Variants in KCNT2 observed in about 807,000 individuals in gnomAD.
The protein encoded by KCNT2 is potassium channel subfamily T member 2.
Under a neutral mutation model 153.8 loss-of-function variants are expected in KCNT2, and 67 were observed. The observed-to-expected ratio is 0.44, with a 90% CI of 0.36 to 0.53. The LOEUF is 0.53. Ranked by LOEUF, KCNT2 falls within the 20% of genes least tolerant of loss-of-function variation. KCNT2 has a pLI of 0.00. For missense variants in KCNT2, 975 were observed against 1,354.8 expected (o/e 0.72, Z 4.40); for synonymous variants, 500 against 458.8 (o/e 1.09, Z -1.15).
At chr1:196,490,558 C>A (rs2148728885) in intron 2 of KCNT2, among the ~76,000 whole-genome samples, 1 of 149,680 alleles carries the variant, frequency 6.7e-6, no homozygotes, top group Non-Finnish European at 1.5e-5. Context: ...CGATCAATCT[C>A]TCCATTTCTC....
chr1:196,509,537 C>T lies in KCNT2; in HGVS notation c.96-17196G>A, dbSNP rs189039636. On this transcript the variant is annotated intron_variant, in intron 1 of 27. Transcript: ENST00000294725. The stretch of plus-strand genomic sequence containing the variant: ...AAAAACTTTAAAAATTAAACAATAA[C>T]TTATTTACAGATGCATACATATCTG... Among the ~76,000 whole-genome samples the T allele has an allele frequency of 1.4e-3, 220 of 152,202 alleles. 2 individuals carry two copies. Among genetic ancestry groups the T allele is most frequent in the African/African-American group, 5.1e-3 (212 of 41,536 alleles).
chr1:196,530,204 T>C lies in KCNT2; in HGVS notation c.96-37863A>G, dbSNP rs566483565. ...CATTAAAATGTAGCAATATAGAAAA[T>C]GTACAAATCCCATTAAAAGGCAAAC... On this transcript the variant is annotated intron_variant, in intron 1 of 27. Coordinates refer to ENST00000294725, the MANE Select transcript of KCNT2 (RefSeq NM_198503.5). 1.9e-3 allele frequency among the ~76,000 whole-genome samples: 285 copies of C among 151,896 alleles called. 2 individuals carry two copies. Among genetic ancestry groups the C allele is most frequent in the African/African-American group, 6.5e-3 (271 of 41,494 alleles).
At chr1:196,251,941 T>C (rs1490088248) in intron 26 of KCNT2, among the ~76,000 whole-genome samples, 1 of 151,834 alleles carries the variant, frequency 6.6e-6, no homozygotes, top group African/African-American at 2.4e-5. Flanking sequence ...TAACCAATTT[T>C]GTTTTTAAGT....
intron 27 of KCNT2, among the ~76,000 whole-genome samples, chr1:196,229,433 C>A (rs1184943656): frequency 2.0e-5 from 3 of 152,000 alleles, no homozygotes; most frequent in African/African-American, 7.2e-5. Context: ...GCTATTCCCT[C>A]GACTCTTTTC....
chr1:196,342,177 G>C lies in KCNT2; in HGVS notation c.1455C>G (p.Ser485=). 6.2e-7 allele frequency: 1 copy of C among 1,611,326 alleles called. No homozygotes were observed. ...EQWQKMYGRC[S]GNEVYHIVLE... is the part of the protein sequence containing the mutation. Reference sequence around the variant, plus strand: ...AAACAATGTGGTAGACTTCATTCCCGGAGCATCTACCGTACATCTTCTGCC... The same window carrying C: ...AAACAATGTGGTAGACTTCATTCCCCGAGCATCTACCGTACATCTTCTGCC... The change falls in exon 15 of 28, where the codon TCC becomes TCG. Residue 485 remains serine, a synonymous_variant. Transcript: ENST00000294725.
intron 26 of KCNT2, among the ~76,000 whole-genome samples, chr1:196,239,403 C>T (rs1373072910): frequency 5.9e-5 from 9 of 151,696 alleles, no homozygotes; most frequent in Non-Finnish European, 2.9e-5. Context: ...AAGATTGCTA[C>T]TAGCATTTAC....
In KCNT2 at chr1:196,470,962, C is replaced by T. The variant is rs546078028; in HGVS notation, c.385-1894G>A. Reference sequence around the variant, plus strand: ...TGGCACAATCTCGGCTCACTGCAAGCTCCGCCTCCCTGGGTTCATGCCATT... The same window carrying T: ...TGGCACAATCTCGGCTCACTGCAAGTTCCGCCTCCCTGGGTTCATGCCATT... On this transcript the variant is annotated intron_variant, in intron 5 of 27. Transcript: ENST00000294725. Among the ~76,000 whole-genome samples, 11 of 151,002 alleles carry T rather than the reference C, an allele frequency of 7.3e-5. No individual in the cohort carries two copies. The South Asian group carries it at 2.3e-3, about 32-fold the overall frequency.
At chr1:196,552,862 G>C (rs1658111081) in intron 1 of KCNT2, among the ~76,000 whole-genome samples, 1 of 150,898 alleles carries the variant, frequency 6.6e-6, no homozygotes, top group Non-Finnish European at 1.5e-5. Flanking sequence ...TAAAATATTG[G>C]GTTTAAGATA....
intron 9 of KCNT2, among the ~76,000 whole-genome samples, chr1:196,428,952 C>A (rs1439450741): frequency 2.6e-5 from 4 of 151,784 alleles, no homozygotes; most frequent in African/African-American, 7.3e-5. Flanking sequence ...CATCCCTTTG[C>A]AACCTCCCTA....
At chr1:196,335,267 A>T (rs1431471344) in intron 16 of KCNT2, among the ~76,000 whole-genome samples, 2 of 152,140 alleles carry the variant, frequency 1.3e-5, no homozygotes, top group Non-Finnish European at 2.9e-5. Flanking sequence ...GTTCTGAGAA[A>T]TCTACCATTT....
chr1:196,411,114 CT>C (rs1672287681), intron 12 of KCNT2, among the ~76,000 whole-genome samples: 2 of 126,840 alleles, frequency 1.6e-5, no homozygotes, highest in African/African-American at 5.9e-5. Flanking sequence ...TCCTTCCTTC[CT>C]TCCTTCCTCC....
At chr1:196,256,382 A>G (rs1331437573) in intron 26 of KCNT2, among the ~76,000 whole-genome samples, 2 of 152,040 alleles carry the variant, frequency 1.3e-5, no homozygotes, top group Non-Finnish European at 2.9e-5. Flanking sequence ...GGTCCATGAC[A>G]GCATTTTCCA....
At chr1:196,596,842 C>T (rs1032219478) in intron 1 of KCNT2, among the ~76,000 whole-genome samples, 13 of 152,066 alleles carry the variant, frequency 8.5e-5, no homozygotes, top group Admixed American at 5.9e-4. Flanking sequence ...GCTAGGATTA[C>T]AGCACACACC....
intron 1 of KCNT2, among the ~76,000 whole-genome samples, chr1:196,583,059 TGTTA>T (rs1358459654): frequency 2.6e-5 from 4 of 152,064 alleles, no homozygotes; most frequent in Admixed American, 1.3e-4. Context: ...CTTCAGAGGT[TGTTA>T]TTCATTCCAG....
At chr1:196,268,850 T>C (rs74851431) in intron 25 of KCNT2, among the ~76,000 whole-genome samples, 7,535 of 152,172 alleles carry the variant, frequency 0.05, 285 homozygotes, top group Non-Finnish European at 0.071. Flanking sequence ...GGGGCATATG[T>C]GGCATCCTCA....
intron 20 of KCNT2, among the ~76,000 whole-genome samples, chr1:196,319,246 CTG>C (rs1663041357): frequency 6.6e-6 from 1 of 151,728 alleles, no homozygotes; most frequent in Admixed American, 6.6e-5. Flanking sequence ...GCATTAGAAA[CTG>C]AGCAAAACTG....
chr1:196,306,514 A>G lies in KCNT2; in HGVS notation c.2484-1169T>C, dbSNP rs956378470. 5.3e-5 allele frequency among the ~76,000 whole-genome samples: 8 copies of G among 151,936 alleles called. 1 individual carries two copies. The highest frequency in any genetic ancestry group is 3.3e-4 in the Admixed American group (5 of 15,252). On this transcript the variant is annotated intron_variant, in intron 21 of 27. Coordinates refer to ENST00000294725, the MANE Select transcript of KCNT2 (RefSeq NM_198503.5). ...GAGTTTTTACCTTTCCTCAGGTCCA[A>G]CTCTGGAAGGTTGATGGATGATTTG...
At chr1:196,360,699 T>A (rs1343136674) in intron 14 of KCNT2, among the ~76,000 whole-genome samples, 1 of 151,996 alleles carries the variant, frequency 6.6e-6, no homozygotes, top group Non-Finnish European at 1.5e-5. Flanking sequence ...AAACCCCATG[T>A]GAGGACACAG....
intron 26 of KCNT2, among the ~76,000 whole-genome samples, chr1:196,241,535 T>C (rs574314692): frequency 6.6e-6 from 1 of 152,222 alleles, no homozygotes; most frequent in South Asian, 2.1e-4. Flanking sequence ...TCCATTTAAC[T>C]GACCTCTATT....
Sources: gnomAD v4.1 joint callset for allele counts (sites outside exome capture counted in the v4.1 genomes callset) on GRCh38, gnomAD v4.1.1 for gene constraint, MANE v1.5 for transcripts, NCBI Gene and HGNC (gene_info 2026-07-23, HGNC 2026-07-21) for gene names.